Variants in DSC1 observed in about 807,000 individuals in gnomAD.
DSC1 encodes the protein desmocollin-1.
In DSC1, 79 loss-of-function variants were observed where a neutral mutation model predicts 98.8. That is an observed-to-expected ratio of 0.80 (90% CI 0.67 to 0.96). The LOEUF is 0.96. Ranked by LOEUF, DSC1 falls within the 50% of genes least tolerant of loss-of-function variation. The pLI, the probability that DSC1 is intolerant of heterozygous loss-of-function variation, is 0.00. For missense variants in DSC1, 1,115 were observed against 1,075.9 expected, an observed-to-expected ratio of 1.04 and a Z score of -0.51; for synonymous variants, 405 against 372.1, an observed-to-expected ratio of 1.09 and a Z score of -1.02.
At position 31,130,568 on chromosome 18, in the gene DSC1, T is replaced by G. The variant is rs755322788; in HGVS notation, c.2631A>C (p.Leu877=). Residue 877 remains leucine (L), a synonymous_variant, in exon 16 of 16, where the codon CTA becomes CTC. Transcript: ENST00000257198. ...DRQEEEGLEF[L]DHLEPKFRTL... is the part of the protein sequence containing the mutation. ...TCCTAAATTTGGGTTCCAGGTGATCTAGAAACTCCAGTCCCTCTTCTTCCT... is the reference window on the plus strand; with the variant it reads ...TCCTAAATTTGGGTTCCAGGTGATCGAGAAACTCCAGTCCCTCTTCTTCCT... 6.2e-7 allele frequency: 1 copy of G among 1,614,190 alleles called. No individual in the cohort carries two copies. Among genetic ancestry groups the G allele is most frequent in the Admixed American group, 1.7e-5 (1 of 60,012 alleles).
intron 6 of DSC1, among the ~76,000 whole-genome samples, chr18:31,146,070 C>T (rs77040907): frequency 0.01 from 1,598 of 152,244 alleles, 27 homozygotes; most frequent in African/African-American, 0.036. Context: ...TCTAAGTTCA[C>T]GGGCTATTTT....
intron 10 of DSC1, 34 bp from the exon 11 acceptor site, chr18:31,139,924 T>C (rs558131314): frequency 7.0e-6 from 11 of 1,578,762 alleles, no homozygotes; most frequent in Non-Finnish European, 9.4e-6. Flanking sequence ...AACGGTCAAA[T>C]CAAAGAAGGG....
Position 31,134,558 on chromosome 18 carries a change from G to A in DSC1, c.1876+14C>T, listed in dbSNP as rs765022193. The A allele has an allele frequency of 1.9e-6, 3 of 1,584,704 alleles. No individual in the cohort carries two copies. The highest frequency in any genetic ancestry group is 2.3e-5 in the South Asian group (2 of 88,182). Reference sequence around the variant, plus strand: ...AAGTCCGTATTGACTATAAAATTTAGCATGATTACATACCATCCTTTTCTT... The same window carrying A: ...AAGTCCGTATTGACTATAAAATTTAACATGATTACATACCATCCTTTTCTT... On this transcript the variant is annotated intron_variant, in intron 12 of 15. Transcript: ENST00000257198.
At position 31,159,539 on chromosome 18, in the gene DSC1, A is replaced by T. The variant is rs747939421; in HGVS notation, c.64-10T>A. ...AAAGTAATGTTAAAACCTCAAAAAA[A>T]AAAAAAGAAAAAATATCAGGAATTA... On this transcript the variant is annotated splice_polypyrimidine_tract_variant and intron_variant, in intron 1 of 15. Coordinates refer to ENST00000257198, the MANE Select transcript of DSC1 (RefSeq NM_024421.2). The T allele has an allele frequency of 5.0e-6, 8 of 1,585,320 alleles. No homozygotes were observed. Among genetic ancestry groups the T allele is most frequent in the African/African-American group, 1.4e-5 (1 of 72,748 alleles).
chr18:31,150,567 G>A (rs796289411), intron 5 of DSC1, among the ~76,000 whole-genome samples: 1,925 of 83,766 alleles, frequency 0.023, 35 homozygotes, highest in African/African-American at 0.078. Flanking sequence ...CACCACCACC[G>A]TCATCATCAT....
chr18:31,133,799 A>G, intron 13 of DSC1, 92 bp downstream of exon 13: 3 of 1,282,036 alleles, frequency 2.3e-6, no homozygotes, highest in Non-Finnish European at 2.1e-6. Context: ...ACACTTCCCA[A>G]AGGCTATTAA....
At chr18:31,157,206 A>G (rs1200951078) in intron 3 of DSC1, among the ~76,000 whole-genome samples, 165 bp downstream of exon 3, 1 of 152,092 alleles carries the variant, frequency 6.6e-6, no homozygotes, top group Non-Finnish European at 1.5e-5. Flanking sequence ...TGGCTCTGCC[A>G]CTCCTTAAAA....
chr18:31,147,866 CT>C (rs527467031), intron 6 of DSC1, among the ~76,000 whole-genome samples: 1 of 152,158 alleles, frequency 6.6e-6, no homozygotes, highest in Non-Finnish European at 1.5e-5. Context: ...GATTACATCA[CT>C]TTTTTTGGAG....
chr18:31,159,494 A>G lies in DSC1; in HGVS notation c.99T>C (p.Val33=), dbSNP rs1989169929. The change falls in exon 2 of 16, where the codon GTT becomes GTC. Residue 33 remains valine, a synonymous_variant. Coordinates refer to ENST00000257198, the MANE Select transcript of DSC1 (RefSeq NM_024421.2). ...GAAGATGAGAAGGAACTCGAAGATA[A>G]ACTTTCTGACAAGCATCGCAAAGTA... ...LTLLCDACQK[V]YLRVPSHLQA... 2 of 1,612,682 alleles carry G rather than the reference A, an allele frequency of 1.2e-6. No homozygotes were observed. Among genetic ancestry groups the G allele is most frequent in the Non-Finnish European group, 1.7e-6 (2 of 1,179,674 alleles).
intron 12 of DSC1, 28 bp downstream of exon 12, chr18:31,134,544 G>T: frequency 6.5e-7 from 1 of 1,537,136 alleles, no homozygotes; most frequent in Non-Finnish European, 8.9e-7. Flanking sequence ...AGTCCGTATT[G>T]ACTATAAAAT....
At chr18:31,134,204 A>G (rs1377995008) in intron 12 of DSC1, 74 bp from the exon 13 acceptor site, 2 of 1,492,726 alleles carry the variant, frequency 1.3e-6, no homozygotes, top group East Asian at 2.3e-5. Flanking sequence ...CAATATTCTC[A>G]GTGGAAGGGA....
chr18:31,140,239 T>C lies in DSC1; in HGVS notation c.1323A>G (p.Gln441=). The C allele has an allele frequency of 2.5e-6, 4 of 1,614,058 alleles. No homozygotes were observed. Among genetic ancestry groups the C allele is most frequent in the Non-Finnish European group, 3.4e-6 (4 of 1,179,934 alleles). Residue 441 remains glutamine (Q), a synonymous_variant, in exon 10 of 16, where the codon CAA becomes CAG. Coordinates refer to ENST00000257198, the MANE Select transcript of DSC1 (RefSeq NM_024421.2). ...ILQVGVINEA[Q]FSKAASSQTP... ...TTTGTGAGCTCGCTGCTTTAGAGAA[T>C]TGTGCCTCGTTAATGACACCAACTT...
At position 31,162,535 on chromosome 18, in the gene DSC1, G is replaced by C. The variant is rs140443871; in HGVS notation, c.60C>G (p.Leu20=). 2 of 1,613,974 alleles carry C rather than the reference G, an allele frequency of 1.2e-6. No homozygotes were observed. Among genetic ancestry groups the C allele is most frequent in the African/African-American group, 2.7e-5 (2 of 74,924 alleles). The stretch of plus-strand genomic sequence containing the variant: ...TAATCCTTTGGTTGTTACTCACCAG[G>C]AGAGAGAAAAGGAGCTGCTTACAGA... ...SIFCKQLLFS[L]LVLTLLCDAC... is the part of the protein sequence containing the mutation. The change falls in exon 1 of 16, where the codon CTC becomes CTG. Residue 20 remains leucine (L), a synonymous_variant. Coordinates refer to ENST00000257198, the MANE Select transcript of DSC1 (RefSeq NM_024421.2).
intron 2 of DSC1, 46 bp downstream of exon 2, chr18:31,159,398 TA>T: frequency 6.3e-7 from 1 of 1,587,144 alleles, no homozygotes; most frequent in Non-Finnish European, 8.6e-7. Flanking sequence ...AGCCTGCAGC[TA>T]AATGTGACAA....
chr18:31,147,715 G>A (rs1311894732), intron 6 of DSC1, among the ~76,000 whole-genome samples: 2 of 151,846 alleles, frequency 1.3e-5, no homozygotes, highest in African/African-American at 4.8e-5. Context: ...GAGAATTCAG[G>A]AAAACAACAC....
At chr18:31,159,356 T>C (rs530837550) in intron 2 of DSC1, 89 bp downstream of exon 2, 1 of 1,363,682 alleles carries the variant, frequency 7.3e-7, no homozygotes, top group African/African-American at 1.4e-5. Context: ...CCCGGCCTAC[T>C]ATGTGGTTTT....
chr18:31,130,497 A>T lies in DSC1; in HGVS notation c.*17T>A, dbSNP rs370606526. 2 of 1,613,366 alleles carry T rather than the reference A, an allele frequency of 1.2e-6. No individual in the cohort carries two copies. The highest frequency in any genetic ancestry group is 2.7e-5 in the African/African-American group (2 of 74,894). ...CTACTTATGCATCTGTGGATATTAC[A>T]CTATTAAAAGGCACATTTATTTCTT... On this transcript the variant is annotated 3_prime_UTR_variant, in exon 16 of 16. Coordinates refer to ENST00000257198, the MANE Select transcript of DSC1 (RefSeq NM_024421.2).
intron 11 of DSC1, among the ~76,000 whole-genome samples, chr18:31,137,109 C>G (rs1464124219): frequency 6.6e-6 from 1 of 150,818 alleles, no homozygotes; most frequent in Non-Finnish European, 1.5e-5. Flanking sequence ...TCAAATGTTT[C>G]AGTAACTAGA....
intron 5 of DSC1, among the ~76,000 whole-genome samples, chr18:31,150,115 C>A (rs1256472128): frequency 6.6e-6 from 1 of 151,084 alleles, no homozygotes. Flanking sequence ...ACACTGCCAT[C>A]ACCACCATCT....
Sources: allele counts gnomAD v4.1 joint callset (sites outside exome capture counted in the v4.1 genomes callset), GRCh38; gene constraint gnomAD v4.1.1; transcripts MANE v1.5; gene names NCBI Gene and HGNC (gene_info 2026-07-23, HGNC 2026-07-21).